Variants in PTPRD observed in about 807,000 individuals in gnomAD.
PTPRD encodes receptor-type tyrosine-protein phosphatase delta.
A neutral mutation model predicts 214.5 loss-of-function variants in PTPRD; 34 were observed. The ratio of observed to expected loss-of-function variants is 0.16; its 90% CI spans 0.12 to 0.21. PTPRD has a LOEUF of 0.21. PTPRD is among the 10% of genes least tolerant of loss of function. The pLI is 1.00. For synonymous variants in PTPRD, 1,128 were observed against 845.7 expected (o/e 1.33, Z -5.79); for missense variants, 2,545 against 2,398.7 (o/e 1.06, Z -1.27).
At chr9:8,663,935 G>A (rs1234508030) in intron 12 of PTPRD, among the ~76,000 whole-genome samples, 1 of 150,600 alleles carries the variant, frequency 6.6e-6, no homozygotes, top group Non-Finnish European at 1.5e-5. Flanking sequence ...GGCGGAAAAT[G>A]TTTTTTAAAT....
At chr9:9,205,845 A>C (rs1341587417) in intron 9 of PTPRD, among the ~76,000 whole-genome samples, 2 of 152,132 alleles carry the variant, frequency 1.3e-5, no homozygotes, top group Non-Finnish European at 2.9e-5. Context: ...TCATCCCCTC[A>C]TGGTTAGTCT....
chr9:9,502,814 G>A (rs545483208), intron 8 of PTPRD, among the ~76,000 whole-genome samples: 38 of 151,960 alleles, frequency 2.5e-4, no homozygotes, highest in African/African-American at 9.2e-4. Context: ...AAGCAAAGAA[G>A]CTACATGCAA....
At chr9:10,218,306 C>G (rs898961256) in intron 3 of PTPRD, among the ~76,000 whole-genome samples, 2 of 151,928 alleles carry the variant, frequency 1.3e-5, no homozygotes, top group African/African-American at 4.8e-5. Context: ...GTATCTATCT[C>G]ACCTGTACCT....
intron 2 of PTPRD, among the ~76,000 whole-genome samples, chr9:10,435,214 C>T (rs1267512117): frequency 2.0e-5 from 3 of 151,748 alleles, no homozygotes; most frequent in Admixed American, 6.6e-5. Context: ...ACACTTGTTC[C>T]CTCAAGTGTA....
chr9:9,642,902 A>G (rs1593965063), intron 7 of PTPRD, among the ~76,000 whole-genome samples: 1 of 152,308 alleles, frequency 6.6e-6, no homozygotes, highest in South Asian at 2.1e-4. Context: ...CAGAGCTGTG[A>G]TTTGTACCTA....
At chr9:9,024,822 A>G (rs1232390855) in intron 10 of PTPRD, among the ~76,000 whole-genome samples, 1 of 151,942 alleles carries the variant, frequency 6.6e-6, no homozygotes, top group Non-Finnish European at 1.5e-5. Context: ...TTATAAACAT[A>G]AAGATTTGAT....
chr9:9,413,564 A>C (rs2076161439), intron 8 of PTPRD, among the ~76,000 whole-genome samples: 1 of 152,218 alleles, frequency 6.6e-6, no homozygotes, highest in African/African-American at 2.4e-5. Flanking sequence ...TATCCAAAAA[A>C]ACAAAGAAAA....
intron 2 of PTPRD, among the ~76,000 whole-genome samples, chr9:10,499,417 G>A (rs1200593733): frequency 6.6e-6 from 1 of 151,786 alleles, no homozygotes; most frequent in Non-Finnish European, 1.5e-5. Context: ...CATCTTTTTT[G>A]TATCTGCCCA....
chr9:8,398,563 CACTGTG>C (rs1275532539), intron 36 of PTPRD, among the ~76,000 whole-genome samples: 7 of 152,154 alleles, frequency 4.6e-5, no homozygotes, highest in Non-Finnish European at 8.8e-5. Context: ...ACCTAATCAC[CACTGTG>C]ATAGTACTGA....
In PTPRD at chr9:10,247,493, C is replaced by A. The variant is rs187208074; in HGVS notation, c.-545+93470G>T. Among the ~76,000 whole-genome samples the A allele has an allele frequency of 2.0e-5, 3 of 152,234 alleles. No individual in the cohort carries two copies. In the South Asian group the frequency reaches 6.2e-4, roughly 32 times the overall value. The stretch of plus-strand genomic sequence containing the variant: ...GTGGGGTTTTTATTTTCATAATTTA[C>A]ACACACATTACCATATTCTCTAAAT... On this transcript the variant is annotated intron_variant, in intron 3 of 45. Transcript: ENST00000381196.
intron 11 of PTPRD, among the ~76,000 whole-genome samples, chr9:8,734,658 C>T (rs906423254): frequency 6.6e-6 from 1 of 152,182 alleles, no homozygotes; most frequent in Non-Finnish European, 1.5e-5. Flanking sequence ...TTTAGAGCAC[C>T]TACTGTGTGC....
At chr9:9,748,764 T>G (rs1380521623) in intron 6 of PTPRD, among the ~76,000 whole-genome samples, 1 of 152,212 alleles carries the variant, frequency 6.6e-6, no homozygotes, top group African/African-American at 2.4e-5. Context: ...TTTGACTGGA[T>G]TTTTACACAG....
At chr9:9,931,637 A>T (rs7044524) in intron 5 of PTPRD, among the ~76,000 whole-genome samples, 1 of 150,770 alleles carries the variant, frequency 6.6e-6, no homozygotes, top group African/African-American at 2.4e-5. Context: ...CAAGACGGCA[A>T]CGAGGCTGGG....
chr9:10,220,973 C>T (rs538987146), intron 3 of PTPRD, among the ~76,000 whole-genome samples: 5 of 151,598 alleles, frequency 3.3e-5, no homozygotes, highest in East Asian at 1.9e-4. Context: ...GAAATAAAAA[C>T]GAAATGGTAC....
chr9:8,461,806 T>C (rs899179738), intron 32 of PTPRD, among the ~76,000 whole-genome samples: 4 of 151,868 alleles, frequency 2.6e-5, no homozygotes, highest in East Asian at 3.9e-4. Context: ...TAGACAAACA[T>C]TCTTTTTTTA....
intron 10 of PTPRD, among the ~76,000 whole-genome samples, chr9:9,111,738 G>T: frequency 6.6e-6 from 1 of 152,080 alleles, no homozygotes; most frequent in Middle Eastern, 3.4e-3. Flanking sequence ...TTTTTTCCTA[G>T]TGAAAATTCT....
intron 3 of PTPRD, among the ~76,000 whole-genome samples, chr9:10,050,437 G>A (rs1411202937): frequency 2.0e-5 from 3 of 151,240 alleles, no homozygotes; most frequent in African/African-American, 7.3e-5. Context: ...GCGCGCGTCT[G>A]TAGTCCCAGC....
At chr9:9,741,671 G>A (rs1410268487) in intron 6 of PTPRD, among the ~76,000 whole-genome samples, 2 of 152,104 alleles carry the variant, frequency 1.3e-5, no homozygotes, top group African/African-American at 4.8e-5. Context: ...TATTCTCATT[G>A]TTCAGTTCCC....
At chr9:9,558,731 CAT>C (rs999338397) in intron 8 of PTPRD, among the ~76,000 whole-genome samples, 14 of 152,266 alleles carry the variant, frequency 9.2e-5, no homozygotes, top group African/African-American at 3.4e-4. Flanking sequence ...GGTTTTAAAC[CAT>C]ATGTTATCAG....
Sources: allele counts gnomAD v4.1 joint callset (sites outside exome capture counted in the v4.1 genomes callset), GRCh38; gene constraint gnomAD v4.1.1; transcripts MANE v1.5; gene names NCBI Gene and HGNC (gene_info 2026-07-23, HGNC 2026-07-21).